The following GRM7 variants were observed in gnomAD, a reference collection of about 807,000 sequenced individuals.
GRM7 encodes glutamate metabotropic receptor 7.
GRM7 carries 35 observed loss-of-function variants against 84.5 expected under a neutral mutation model. The observed-to-expected ratio is 0.41, with a 90% CI of 0.32 to 0.55. The LOEUF is 0.55. Among genes scored for constraint, GRM7 ranks in the 20% least tolerant of loss-of-function variants. The pLI, the probability that GRM7 is intolerant of heterozygous loss-of-function variation, is 0.19. For synonymous variants in GRM7, 487 were observed against 455.1 expected (o/e 1.07, Z -0.89); for missense variants, 1,003 against 1,194.6 (o/e 0.84, Z 2.36).
At chr3:7,432,605 A>C (rs766530895) in intron 5 of GRM7, among the ~76,000 whole-genome samples, 1 of 151,802 alleles carries the variant, frequency 6.6e-6, no homozygotes, top group Non-Finnish European at 1.5e-5. Flanking sequence ...TACAGATGTG[A>C]GCCACCATGC....
At chr3:7,106,469 G>GA (rs150044721) in intron 1 of GRM7, among the ~76,000 whole-genome samples, 4,168 of 148,822 alleles carry the variant, frequency 0.028, 188 homozygotes, top group African/African-American at 0.097. Flanking sequence ...AGCCAAAAAG[G>GA]AAAAAAAAAT....
intron 1 of GRM7, among the ~76,000 whole-genome samples, chr3:7,075,511 T>C (rs1035785926): frequency 1.1e-3 from 112 of 103,512 alleles, no homozygotes; most frequent in African/African-American, 2.8e-3. Flanking sequence ...TGTGTGTGTG[T>C]GTGTGTGTGT....
chr3:7,069,567 C>T (rs1559418898), intron 1 of GRM7, among the ~76,000 whole-genome samples: 1 of 151,992 alleles, frequency 6.6e-6, no homozygotes, highest in Non-Finnish European at 1.5e-5. Context: ...TCAATGTATC[C>T]ACTTGAGTAA....
intron 1 of GRM7, among the ~76,000 whole-genome samples, chr3:7,068,743 A>C (rs975445459): frequency 1.3e-5 from 2 of 151,974 alleles, no homozygotes; most frequent in Admixed American, 6.6e-5. Flanking sequence ...AATTCTTAGC[A>C]ATGCATATAT....
intron 9 of GRM7, among the ~76,000 whole-genome samples, chr3:7,685,439 C>A (rs937918211): frequency 3.3e-5 from 5 of 152,100 alleles, no homozygotes; most frequent in Admixed American, 1.3e-4. Context: ...GGCAGGTCAG[C>A]AGCAACTAGA....
At chr3:7,673,944 C>T (rs920566368) in intron 8 of GRM7, among the ~76,000 whole-genome samples, 1 of 152,110 alleles carries the variant, frequency 6.6e-6, no homozygotes, top group Non-Finnish European at 1.5e-5. Flanking sequence ...ACTGACCTCT[C>T]CTAAGCAGAC....
At chr3:7,271,158 G>GT (rs1698838627) in intron 2 of GRM7, among the ~76,000 whole-genome samples, 2 of 152,184 alleles carry the variant, frequency 1.3e-5, no homozygotes, top group African/African-American at 4.8e-5. Flanking sequence ...GGCTTCTGCA[G>GT]TTTGCCTCAA....
In GRM7 at chr3:7,240,120, G is replaced by GTTTT. The variant is rs397988598; in HGVS notation, c.737-58543_737-58540dup. On this transcript the variant is annotated intron_variant, in intron 2 of 9. Transcript: ENST00000357716. ...TACCAGTAATCTTTTAGCATGTGAGGTTTTTTTTTTTTTTTTTTTTTTTTC... is the reference window on the plus strand; with the variant it reads ...TACCAGTAATCTTTTAGCATGTGAGGTTTTTTTTTTTTTTTTTTTTTTTTTTTTC... Among the ~76,000 whole-genome samples the GTTTT allele has an allele frequency of 2.4e-3, 125 of 52,716 alleles. 20 individuals are homozygous for GTTTT. Among genetic ancestry groups the GTTTT allele is most frequent in the African/African-American group, 7.9e-3 (113 of 14,266 alleles). The allele number at this position is 52,716 out of a possible 152,430, so 34.6% of individuals were successfully genotyped here.
intron 1 of GRM7, among the ~76,000 whole-genome samples, chr3:7,046,287 A>C (rs1386149850): frequency 1.3e-5 from 2 of 152,140 alleles, no homozygotes; most frequent in African/African-American, 4.8e-5. Context: ...CAGGGCTCCC[A>C]GGTACGCTTA....
chr3:7,641,992 A>AC (rs200622109), intron 8 of GRM7, among the ~76,000 whole-genome samples: 3,892 of 152,222 alleles, frequency 0.026, 136 homozygotes, highest in African/African-American at 0.075. Flanking sequence ...TTCAGTGAGT[A>AC]AATACATCGT....
At chr3:6,945,666 T>G (rs1698050120) in intron 1 of GRM7, among the ~76,000 whole-genome samples, 2 of 152,288 alleles carry the variant, frequency 1.3e-5, no homozygotes, top group African/African-American at 4.8e-5. Flanking sequence ...TGAACTAGTT[T>G]ACAGTCCCAC....
intron 1 of GRM7, among the ~76,000 whole-genome samples, chr3:7,100,023 A>G (rs931631597): frequency 2.0e-5 from 3 of 148,946 alleles, no homozygotes; most frequent in Non-Finnish European, 4.5e-5. Flanking sequence ...TATGTAATAT[A>G]CATATATATG....
intron 8 of GRM7, among the ~76,000 whole-genome samples, chr3:7,645,374 C>G (rs1299879574): frequency 6.6e-6 from 1 of 151,462 alleles, no homozygotes; most frequent in Non-Finnish European, 1.5e-5. Context: ...TGGTGAAACC[C>G]CGTCACTACT....
chr3:7,134,380 G>A (rs910428236), intron 1 of GRM7, among the ~76,000 whole-genome samples: 1 of 152,046 alleles, frequency 6.6e-6, no homozygotes, highest in Admixed American at 6.6e-5. Context: ...TATGAGGTGT[G>A]TAAGATAACT....
chr3:7,693,656 CCATCTGCACTGG>C, intron 9 of GRM7: 4 of 1,530,248 alleles, frequency 2.6e-6, no homozygotes, highest in Non-Finnish European at 3.5e-6. Flanking sequence ...CTGCTACTGA[CCATCTGCACTGG>C]CATCTAGTCA....
chr3:7,450,164 C>T (rs908073596), intron 5 of GRM7, among the ~76,000 whole-genome samples: 5 of 151,976 alleles, frequency 3.3e-5, no homozygotes, highest in African/African-American at 1.2e-4. Flanking sequence ...AAACAAGTTT[C>T]ATCTTTCCAC....
intron 1 of GRM7, among the ~76,000 whole-genome samples, chr3:7,007,289 G>A (rs338089): frequency 0.43 from 65,264 of 152,034 alleles, 16,199 homozygotes; most frequent in Non-Finnish European, 0.53. Flanking sequence ...AACCTGTATC[G>A]TGATGATAAG....
At chr3:7,415,470 A>G (rs988216427) in intron 5 of GRM7, among the ~76,000 whole-genome samples, 2 of 152,240 alleles carry the variant, frequency 1.3e-5, no homozygotes, top group East Asian at 1.9e-4. Flanking sequence ...TCATTTTCAC[A>G]TAGACAAAAT....
chr3:7,148,291 T>G (rs1574961702), intron 2 of GRM7, among the ~76,000 whole-genome samples: 1 of 152,116 alleles, frequency 6.6e-6, no homozygotes, highest in Admixed American at 6.6e-5. Flanking sequence ...AATTTCAGGA[T>G]AGAATTGAAT....
Sources: gnomAD v4.1 joint callset for allele counts (sites outside exome capture counted in the v4.1 genomes callset) on GRCh38, gnomAD v4.1.1 for gene constraint, MANE v1.5 for transcripts, NCBI Gene and HGNC (gene_info 2026-07-23, HGNC 2026-07-21) for gene names.